Variants in OR10A3 observed in about 807,000 individuals in gnomAD.
OR10A3 encodes olfactory receptor 10A3.
OR10A3 carries 1 observed loss-of-function variant against 1.5 expected under a neutral mutation model. That is an observed-to-expected ratio of 0.66 (90% confidence interval 0.23 to 3.11). The LOEUF is 3.11. Ranked by LOEUF, OR10A3 falls within the 30% of genes most tolerant of loss-of-function variation. The pLI, the probability that OR10A3 is intolerant of heterozygous loss-of-function variation, is 0.21. For synonymous variants in OR10A3, 145 were observed against 143.7 expected, an observed-to-expected ratio of 1.01 and a Z score of -0.06; for missense variants, 398 against 369.7, an observed-to-expected ratio of 1.08 and a Z score of -0.63.
At position 7,938,466 on chromosome 11, in the gene OR10A3, C is replaced by T; in HGVS notation, c.*110G>A. The T allele has an allele frequency of 1.2e-6, 1 of 837,008 alleles. No homozygotes were observed. The highest frequency in any genetic ancestry group is 1.8e-6 in the Non-Finnish European group (1 of 548,742). The allele number at this position is 837,008 out of a possible 1,614,324, so 51.8% of individuals were successfully genotyped here. The stretch of plus-strand genomic sequence containing the variant: ...AGATACGTTTTCCAATAAAAAAACT[C>T]AACAAACTTACATAGTCATACAAAA... On this transcript the variant is annotated 3_prime_UTR_variant, in exon 2 of 2. Transcript: ENST00000642047.
rs1220625330 is a variant in OR10A3, at chr11:7,938,775, G to A, written c.746C>T (p.Thr249Ile). The change falls in exon 2 of 2, where the codon ACC becomes ATC. Residue 249 changes from threonine (T) to isoleucine (I), a missense_variant. Thr to Ile is a moderately conservative substitution (Grantham distance 89). Coordinates refer to ENST00000642047, the MANE Select transcript of OR10A3 (RefSeq NM_001003745.2). ...STCASHLTSV[T>I]LFYGTANMTY... ...CATATTGGCTGTGCCATAGAACAGG[G>A]TCACAGATGTGAGGTGAGAGGCACA... 4 of 1,614,190 alleles carry A rather than the reference G, an allele frequency of 2.5e-6. No homozygotes were observed. The highest frequency in any genetic ancestry group is 1.6e-4 in the Middle Eastern group (1 of 6,062).
Position 7,938,876 on chromosome 11 carries a change from G to C in OR10A3, c.645C>G (p.Leu215=), listed in dbSNP as rs148435898. 139 of 1,614,228 alleles carry C rather than the reference G, an allele frequency of 8.6e-5. No individual in the cohort carries two copies. The African/African-American group carries it at 1.7e-3, about 20-fold the overall frequency. Residue 215 remains leucine, a synonymous_variant, in exon 2 of 2, where the codon CTC becomes CTG. Transcript: ENST00000642047. ...LIVMVPFLLI[L]LSYIRVLFAI... is the part of the protein sequence containing the mutation. ...CAAACAGAACTCGAATGTAAGACAAGAGGATCAACAAGAAAGGAACCATAA... is the reference window on the plus strand; with the variant it reads ...CAAACAGAACTCGAATGTAAGACAACAGGATCAACAAGAAAGGAACCATAA...
rs1166127430 is a variant in OR10A3 at position 7,938,698 on chromosome 11, A to G, written c.823T>C (p.Ser275Pro). The G allele has an allele frequency of 6.2e-7, 1 of 1,614,196 alleles. No homozygotes were observed. The change falls in exon 2 of 2, where the codon TCA becomes CCA. Residue 275 changes from serine to proline, a missense_variant. Ser to Pro is a moderately conservative substitution (Grantham distance 74, BLOSUM62 -1). Coordinates refer to ENST00000642047, the MANE Select transcript of OR10A3 (RefSeq NM_001003745.2). ...GGGGTAAGCAACGTGTAAGCCAATG[A>G]GATCAGTTTCTTGGTTTCGGGTGAG... The part of the protein sequence containing the change: ...GYSPETKKLI[S>P]LAYTLLTPLL...
rs1205987574 is a variant in OR10A3 at position 7,941,589 on chromosome 11, G to A, written c.-181C>T. On this transcript the variant is annotated splice_region_variant and 5_prime_UTR_variant, in exon 1 of 2. Coordinates refer to ENST00000642047, the MANE Select transcript of OR10A3 (RefSeq NM_001003745.2). Reference sequence around the variant, plus strand: ...GGCACAGCAATTGACTTTCTTACCTGAGCATTGAGTTATCACTTGATAAGT... The same window carrying A: ...GGCACAGCAATTGACTTTCTTACCTAAGCATTGAGTTATCACTTGATAAGT... 1 of 152,118 alleles carries A rather than the reference G, an allele frequency of 6.6e-6. No homozygotes were observed. The highest frequency in any genetic ancestry group is 1.5e-5 in the Non-Finnish European group (1 of 68,014). 9.4% of individuals were successfully genotyped at this position (152,118 alleles called of 1,614,324 possible).
At chr11:7,940,301 C>T (rs1370119079) in intron 1 of OR10A3, among the ~76,000 whole-genome samples, 2 of 152,118 alleles carry the variant, frequency 1.3e-5, no homozygotes, top group Admixed American at 1.3e-4. Context: ...CCCTCCAGAG[C>T]CACTCTCAGG....
Position 7,938,548 on chromosome 11 carries a change from C to T in OR10A3, c.*28G>A. On this transcript the variant is annotated 3_prime_UTR_variant, in exon 2 of 2. Coordinates refer to ENST00000642047, the MANE Select transcript of OR10A3 (RefSeq NM_001003745.2). ...TAAATAGAGTTCACTCAGGCAGTGG[C>T]CAAATCTTACTCAGCTTCTCAACAC... 2 of 1,545,130 alleles carry T rather than the reference C, an allele frequency of 1.3e-6. No individual in the cohort carries two copies. The highest frequency in any genetic ancestry group is 8.8e-7 in the Non-Finnish European group (1 of 1,138,600).
At position 7,938,931 on chromosome 11, in the gene OR10A3, A is replaced by G. The variant is rs774035782; in HGVS notation, c.590T>C (p.Ile197Thr). 6.2e-7 allele frequency: 1 copy of G among 1,614,184 alleles called. No homozygotes were observed. Among genetic ancestry groups the G allele is most frequent in the Non-Finnish European group, 8.5e-7 (1 of 1,180,006 alleles). Residue 197 changes from isoleucine to threonine, a missense_variant, in exon 2 of 2, where the codon ATC becomes ACC. Coordinates refer to ENST00000642047, the MANE Select transcript of OR10A3 (RefSeq NM_001003745.2). ...LVCADTFLFEIYAFTGTILIV... is the reference protein window; with the variant it reads ...LVCADTFLFETYAFTGTILIV... ...CAAAATGGTGCCTGTGAAGGCATAG[A>G]TTTCAAATAAGAAGGTGTCTGCACA... is the stretch of plus-strand genomic sequence containing the variant.
At position 7,938,803 on chromosome 11, in the gene OR10A3, T is replaced by C. The variant is rs1173749569; in HGVS notation, c.718A>G (p.Thr240Ala). The C allele has an allele frequency of 6.2e-7, 1 of 1,614,074 alleles. No individual in the cohort carries two copies. Among genetic ancestry groups the C allele is most frequent in the Admixed American group, 1.7e-5 (1 of 60,022 alleles). Residue 240 changes from threonine (T) to alanine (A), a missense_variant, in exon 2 of 2, where the codon ACC becomes GCC. Transcript: ENST00000642047. Reference sequence around the variant, plus strand: ...ACAGATGTGAGGTGAGAGGCACAGGTGGAAAAGGCCTTTTGTCTCCCAGTA... The same window carrying C: ...ACAGATGTGAGGTGAGAGGCACAGGCGGAAAAGGCCTTTTGTCTCCCAGTA... ...STTGRQKAFSTCASHLTSVTL... is the reference protein window; with the variant it reads ...STTGRQKAFSACASHLTSVTL...
Position 7,938,791 on chromosome 11 carries a change from G to A in OR10A3, c.730C>T (p.His244Tyr), listed in dbSNP as rs984262095. The change falls in exon 2 of 2, where the codon CAC becomes TAC. Residue 244 changes from histidine to tyrosine, a missense_variant. Transcript: ENST00000642047. ...RQKAFSTCAS[H>Y]LTSVTLFYGT... ...TAGAACAGGGTCACAGATGTGAGGT[G>A]AGAGGCACAGGTGGAAAAGGCCTTT... 2 of 1,614,088 alleles carry A rather than the reference G, an allele frequency of 1.2e-6. No individual in the cohort carries two copies. Among genetic ancestry groups the A allele is most frequent in the Non-Finnish European group, 1.7e-6 (2 of 1,180,038 alleles).
Position 7,938,120 on chromosome 11 carries a change from A to G in OR10A3, c.*456T>C, listed in dbSNP as rs887107292. 1.3e-5 allele frequency: 2 copies of G among 158,024 alleles called. No individual in the cohort carries two copies. The highest frequency in any genetic ancestry group is 4.8e-5 in the African/African-American group (2 of 41,440). 9.8% of individuals were successfully genotyped at this position (158,024 alleles called of 1,614,324 possible). On this transcript the variant is annotated 3_prime_UTR_variant, in exon 2 of 2. Coordinates refer to ENST00000642047, the MANE Select transcript of OR10A3 (RefSeq NM_001003745.2). ...GGAGTTTGAGACCAGCCTGACCAGC[A>G]TGGTGAAACCCCGTCTCTACTAAAA...
chr11:7,939,425 T>G lies in OR10A3; in HGVS notation c.96A>C (p.Leu32=). Residue 32 remains leucine (L), a synonymous_variant, in exon 2 of 2, where the codon CTA becomes CTC. Coordinates refer to ENST00000642047, the MANE Select transcript of OR10A3 (RefSeq NM_001003745.2). ...CCATCAGGGTCACCACATAAATAAC[T>G]AGGAAAACCCCAAAGAGCTGCACCT... ...ELQVQLFGVF[L]VIYVVTLMGN... 6.2e-7 allele frequency: 1 copy of G among 1,613,678 alleles called. No individual in the cohort carries two copies. Among genetic ancestry groups the G allele is most frequent in the South Asian group, 1.1e-5 (1 of 90,972 alleles).
At chr11:7,941,005 T>C (rs1941434646) in intron 1 of OR10A3, among the ~76,000 whole-genome samples, 1 of 152,154 alleles carries the variant, frequency 6.6e-6, no homozygotes, top group Non-Finnish European at 1.5e-5. Flanking sequence ...ATTTATTGAG[T>C]CTGACCATAG....
Position 7,938,930 on chromosome 11 carries a change from G to C in OR10A3, c.591C>G (p.Ile197Met). 6.2e-7 allele frequency: 1 copy of C among 1,614,146 alleles called. No homozygotes were observed. The highest frequency in any genetic ancestry group is 8.5e-7 in the Non-Finnish European group (1 of 1,179,972). The change falls in exon 2 of 2, where the codon ATC becomes ATG. Residue 197 changes from isoleucine (I) to methionine (M), a missense_variant. Physicochemically the swap from Ile to Met is conservative, Grantham distance 10. Coordinates refer to ENST00000642047, the MANE Select transcript of OR10A3 (RefSeq NM_001003745.2). ...LVCADTFLFEIYAFTGTILIV... is the reference protein window; with the variant it reads ...LVCADTFLFEMYAFTGTILIV... ...TCAAAATGGTGCCTGTGAAGGCATA[G>C]ATTTCAAATAAGAAGGTGTCTGCAC...
chr11:7,938,497 A>C lies in OR10A3; in HGVS notation c.*79T>G. The C allele has an allele frequency of 9.1e-7, 1 of 1,094,702 alleles. No individual in the cohort carries two copies. Among genetic ancestry groups the C allele is most frequent in the Non-Finnish European group, 1.3e-6 (1 of 765,810 alleles). 67.8% of individuals were successfully genotyped at this position (1,094,702 alleles called of 1,614,324 possible). The stretch of plus-strand genomic sequence containing the variant: ...ACTTACATAGTCATACAAAAAATGC[A>C]GTCTGTTTTCACCCTTTATTAAATT... On this transcript the variant is annotated 3_prime_UTR_variant, in exon 2 of 2. Coordinates refer to ENST00000642047, the MANE Select transcript of OR10A3 (RefSeq NM_001003745.2).
Position 7,938,741 on chromosome 11 carries a change from T to C in OR10A3, c.780A>G (p.Leu260=), listed in dbSNP as rs1474433842. ...CGGGTGAGTAGCCAGATTTGGGTTGTAAATAAGTCATATTGGCTGTGCCAT... is the reference window on the plus strand; with the variant it reads ...CGGGTGAGTAGCCAGATTTGGGTTGCAAATAAGTCATATTGGCTGTGCCAT... The part of the protein sequence containing the change: ...LFYGTANMTY[L]QPKSGYSPET... Residue 260 remains leucine (L), a synonymous_variant, in exon 2 of 2, where the codon TTA becomes TTG. Coordinates refer to ENST00000642047, the MANE Select transcript of OR10A3 (RefSeq NM_001003745.2). The C allele has an allele frequency of 1.9e-6, 3 of 1,614,094 alleles. No homozygotes were observed. Among genetic ancestry groups the C allele is most frequent in the Non-Finnish European group, 2.5e-6 (3 of 1,180,048 alleles).
chr11:7,939,164 A>G lies in OR10A3; in HGVS notation c.357T>C (p.Ala119=). The part of the protein sequence containing the change: ...GTECFLLGAM[A]YDRFAAICHP... The stretch of plus-strand genomic sequence containing the variant: ...GGCAAATTGCAGCAAATCGGTCATA[A>G]GCCATCGCTCCCAGGAGAAAACATT... The change falls in exon 2 of 2, where the codon GCT becomes GCC. Residue 119 remains alanine (A), a synonymous_variant. Transcript: ENST00000642047. The G allele has an allele frequency of 1.2e-6, 2 of 1,614,236 alleles. No individual in the cohort carries two copies. The highest frequency in any genetic ancestry group is 1.7e-6 in the Non-Finnish European group (2 of 1,180,030).
At chr11:7,940,100 A>G (rs946319471) in intron 1 of OR10A3, among the ~76,000 whole-genome samples, 1 of 152,166 alleles carries the variant, frequency 6.6e-6, no homozygotes, top group African/African-American at 2.4e-5. Flanking sequence ...TGGCTCTGAC[A>G]TAGGTGTTTC....
In OR10A3 at chr11:7,938,526, A is replaced by G. The variant is rs753039644; in HGVS notation, c.*50T>C. The G allele has an allele frequency of 1.5e-6, 2 of 1,363,938 alleles. No individual in the cohort carries two copies. The highest frequency in any genetic ancestry group is 2.0e-6 in the Non-Finnish European group (2 of 992,158). 84.5% of individuals were successfully genotyped at this position (1,363,938 alleles called of 1,614,324 possible). On this transcript the variant is annotated 3_prime_UTR_variant, in exon 2 of 2. Coordinates refer to ENST00000642047, the MANE Select transcript of OR10A3 (RefSeq NM_001003745.2). ...TGTTTTCACCCTTTATTAAATTTAA[A>G]TAGAGTTCACTCAGGCAGTGGCCAA...
rs1429477996 is a variant in OR10A3 at position 7,938,151 on chromosome 11, A to C, written c.*425T>G. Reference sequence around the variant, plus strand: ...AAACCCCGTCTCTACTAAAAATACAAAAATTAGCTGGGTGTGGTGGCGCAT... The same window carrying C: ...AAACCCCGTCTCTACTAAAAATACACAAATTAGCTGGGTGTGGTGGCGCAT... On this transcript the variant is annotated 3_prime_UTR_variant, in exon 2 of 2. Coordinates refer to ENST00000642047, the MANE Select transcript of OR10A3 (RefSeq NM_001003745.2). 1 of 159,592 alleles carries C rather than the reference A, an allele frequency of 6.3e-6. No homozygotes were observed. Among genetic ancestry groups the C allele is most frequent in the African/African-American group, 2.4e-5 (1 of 41,422 alleles). 9.9% of individuals were successfully genotyped at this position (159,592 alleles called of 1,614,324 possible).
Sources: allele counts gnomAD v4.1 joint callset (sites outside exome capture counted in the v4.1 genomes callset), GRCh38; gene constraint gnomAD v4.1.1; transcripts MANE v1.5; gene names NCBI Gene and HGNC (gene_info 2026-07-23, HGNC 2026-07-21).